The following MAST4 variants were observed in gnomAD, a reference collection of about 807,000 sequenced individuals.
MAST4 encodes microtubule-associated serine/threonine-protein kinase 4.
A neutral mutation model predicts 162.7 loss-of-function variants in MAST4; 89 were observed. That is an observed-to-expected ratio of 0.55 (90% CI 0.46 to 0.65). MAST4 has a LOEUF of 0.65. Among genes scored for constraint, MAST4 ranks in the 30% least tolerant of loss-of-function variants. The pLI is 0.00. For missense variants in MAST4, 3,153 were observed against 3,374.0 expected, an observed-to-expected ratio of 0.93 and a Z score of 1.62; for synonymous variants, 1,479 against 1,361.1, an observed-to-expected ratio of 1.09 and a Z score of -1.91.
At chr5:66,796,757 C>A (rs1436599569) in intron 3 of MAST4, among the ~76,000 whole-genome samples, 3 of 152,150 alleles carry the variant, frequency 2.0e-5, no homozygotes, top group Admixed American at 1.3e-4. Context: ...GGTGTGCCAA[C>A]CATTTAGGAG....
intron 4 of MAST4, among the ~76,000 whole-genome samples, chr5:66,928,721 A>C (rs533165949): frequency 6.6e-6 from 1 of 152,176 alleles, no homozygotes; most frequent in African/African-American, 2.4e-5. Flanking sequence ...TTAGCTGGGG[A>C]AATAGGGGTT....
chr5:66,993,931 C>CA (rs1554078108), intron 4 of MAST4, among the ~76,000 whole-genome samples: 1,652 of 108,824 alleles, frequency 0.015, 61 homozygotes, highest in Non-Finnish European at 0.021. Context: ...CCCCCCCCCC[C>CA]ACCCCACCAA....
intron 4 of MAST4, among the ~76,000 whole-genome samples, chr5:67,030,064 C>A (rs1755118455): frequency 6.6e-6 from 1 of 151,812 alleles, no homozygotes; most frequent in African/African-American, 2.4e-5. Flanking sequence ...TCACATGATT[C>A]CTTGTTAAGT....
At chr5:66,926,560 C>A (rs531783769) in intron 4 of MAST4, among the ~76,000 whole-genome samples, 3,012 of 88,954 alleles carry the variant, frequency 0.034, 74 homozygotes, top group South Asian at 0.095. Flanking sequence ...TTCTCTCTTT[C>A]TCTCTCTATA....
At chr5:67,155,071 T>C (rs1561181737) in intron 26 of MAST4, among the ~76,000 whole-genome samples, 2 of 152,238 alleles carry the variant, frequency 1.3e-5, no homozygotes, top group Non-Finnish European at 2.9e-5. Flanking sequence ...GACAGGGGTG[T>C]AGGTGTATGT....
intron 2 of MAST4, among the ~76,000 whole-genome samples, chr5:66,772,823 C>T (rs942717185): frequency 3.4e-4 from 52 of 152,204 alleles, no homozygotes; most frequent in Admixed American, 3.3e-3. Flanking sequence ...GGATCCTATA[C>T]TCTCAAGGTC....
At chr5:66,854,364 C>T (rs578254886) in intron 3 of MAST4, among the ~76,000 whole-genome samples, 12 of 152,276 alleles carry the variant, frequency 7.9e-5, no homozygotes, top group South Asian at 6.2e-4. Flanking sequence ...ATATCTGCTT[C>T]AAACAACAAA....
chr5:66,903,019 T>G (rs184167042), intron 4 of MAST4, among the ~76,000 whole-genome samples: 10 of 152,280 alleles, frequency 6.6e-5, no homozygotes, highest in African/African-American at 2.2e-4. Context: ...GCAGGTATAA[T>G]TGCCAAGAAT....
At chr5:66,615,795 G>A (rs575819799) in intron 1 of MAST4, among the ~76,000 whole-genome samples, 16 of 152,282 alleles carry the variant, frequency 1.1e-4, no homozygotes, top group African/African-American at 2.2e-4. Flanking sequence ...GCAACAGAGC[G>A]AGATCCTTGA....
rs949792965 is a variant in MAST4 at position 66,715,280 on chromosome 5, C to T, written c.364-44429C>T. On this transcript the variant is annotated intron_variant, in intron 1 of 28. Transcript: ENST00000403625. ...TGAATCTAATGTCTTAGAAATTAGT[C>T]CTTTTGCAAATCAAATGTCTTCTAA... Among the ~76,000 whole-genome samples, 16 of 152,160 alleles carry T rather than the reference C, an allele frequency of 1.1e-4. No individual in the cohort carries two copies. In the South Asian group the frequency reaches 3.3e-3, roughly 32 times the overall value.
chr5:66,684,138 C>T (rs575021946), intron 1 of MAST4, among the ~76,000 whole-genome samples: 4 of 152,250 alleles, frequency 2.6e-5, no homozygotes, highest in African/African-American at 9.6e-5. Context: ...GGTTGTGTTC[C>T]TCACTTCTGA....
intron 7 of MAST4, among the ~76,000 whole-genome samples, chr5:67,097,087 T>G (rs572716196): frequency 6.6e-6 from 1 of 152,312 alleles, no homozygotes; most frequent in South Asian, 2.1e-4. Context: ...CAGTCAAGTT[T>G]TATTATAACT....
At chr5:66,925,763 G>C (rs1764847185) in intron 4 of MAST4, among the ~76,000 whole-genome samples, 1 of 152,126 alleles carries the variant, frequency 6.6e-6, no homozygotes, top group East Asian at 1.9e-4. Context: ...TGTTTTGTGT[G>C]ATTTTTAAAT....
chr5:66,675,295 C>A (rs1747872832), intron 1 of MAST4, among the ~76,000 whole-genome samples: 1 of 152,178 alleles, frequency 6.6e-6, no homozygotes, highest in African/African-American at 2.4e-5. Context: ...AACCCTCAAA[C>A]ATAGGAAGGG....
At chr5:66,604,055 G>A (rs1235258937) in intron 1 of MAST4, among the ~76,000 whole-genome samples, 1 of 152,186 alleles carries the variant, frequency 6.6e-6, no homozygotes, top group Non-Finnish European at 1.5e-5. Flanking sequence ...GGAGGGATTG[G>A]ATAATAGTCA....
intron 4 of MAST4, among the ~76,000 whole-genome samples, chr5:66,925,992 A>G (rs1476277688): frequency 1.3e-5 from 2 of 151,854 alleles, no homozygotes; most frequent in Non-Finnish European, 2.9e-5. Flanking sequence ...TGAGTGATGG[A>G]TTCACTACTG....
intron 4 of MAST4, among the ~76,000 whole-genome samples, chr5:67,005,937 C>T (rs1751974438): frequency 6.6e-6 from 1 of 152,204 alleles, no homozygotes; most frequent in Non-Finnish European, 1.5e-5. Context: ...ACTTTGCAGT[C>T]AGATAAACAG....
Position 67,149,287 on chromosome 5 carries a change from G to A in MAST4, c.3095-102G>A, listed in dbSNP as rs1257177571. ...GGACTTACTGGCCACATAGGAGTATGTTCTCTGGCGTTTACTCTTCCTGCT... is the reference window on the plus strand; with the variant it reads ...GGACTTACTGGCCACATAGGAGTATATTCTCTGGCGTTTACTCTTCCTGCT... On this transcript the variant is annotated intron_variant, in intron 23 of 28. Transcript: ENST00000403625. The A allele has an allele frequency of 4.0e-6, 4 of 1,009,340 alleles. No homozygotes were observed. The Admixed American group carries it at 8.3e-5, about 21-fold the overall frequency. 62.5% of individuals were successfully genotyped at this position (1,009,340 alleles called of 1,614,324 possible).
At chr5:66,660,921 A>C (rs1313514712) in intron 1 of MAST4, among the ~76,000 whole-genome samples, 1 of 152,198 alleles carries the variant, frequency 6.6e-6, no homozygotes, top group South Asian at 2.1e-4. Context: ...TGAAAGCTTA[A>C]TTTCTCTTAG....
Sources: allele counts gnomAD v4.1 joint callset (sites outside exome capture counted in the v4.1 genomes callset), GRCh38; gene constraint gnomAD v4.1.1; transcripts MANE v1.5; gene names NCBI Gene and HGNC (gene_info 2026-07-23, HGNC 2026-07-21).